Variants in SAMD13 observed in about 807,000 individuals in gnomAD.
SAMD13 encodes sterile alpha motif domain-containing protein 13.
A neutral mutation model predicts 12.4 loss-of-function variants in SAMD13; 9 were observed. That is an observed-to-expected ratio of 0.72 (90% CI 0.44 to 1.26). SAMD13 has a LOEUF of 1.26. Among genes scored for constraint, SAMD13 ranks in the 50% most tolerant of loss-of-function variants. The pLI is 0.00. For missense variants in SAMD13, 84 were observed against 119.6 expected (o/e 0.70, Z 1.39); for synonymous variants, 46 against 45.4 (o/e 1.01, Z -0.05).
chr1:84,299,997 G>T (rs1678416955), upstream of SAMD13, among the ~76,000 whole-genome samples: 1 of 152,090 alleles, frequency 6.6e-6, no homozygotes, highest in African/African-American at 2.4e-5. Flanking sequence ...CCTTTTCCCC[G>T]TCAAGAGTGG....
At chr1:84,300,251 A>C (rs188694901), upstream of SAMD13, among the ~76,000 whole-genome samples, 6 of 152,372 alleles carry the variant, frequency 3.9e-5, no homozygotes, top group Admixed American at 3.3e-4. Context: ...TGCTCAAAAA[A>C]TACTGCTCAA....
intron 2 of SAMD13, among the ~76,000 whole-genome samples, chr1:84,323,596 C>T (rs1678995136): frequency 6.6e-6 from 1 of 152,102 alleles, no homozygotes; most frequent in South Asian, 2.1e-4. Context: ...TTAACTAGTA[C>T]AGAAGTTGGT....
chr1:84,309,463 T>G (rs144591756), intron 2 of SAMD13, among the ~76,000 whole-genome samples: 1 of 152,206 alleles, frequency 6.6e-6, no homozygotes, highest in Non-Finnish European at 1.5e-5. Flanking sequence ...AATGTCATGC[T>G]GGACTCCTCT....
intron 2 of SAMD13, among the ~76,000 whole-genome samples, chr1:84,313,410 A>G (rs1444019139): frequency 1.3e-5 from 2 of 152,112 alleles, no homozygotes; most frequent in Non-Finnish European, 2.9e-5. Context: ...TTTTGACTAA[A>G]TTTTTTTAAA....
At chr1:84,312,605 C>G (rs1678739470) in intron 2 of SAMD13, among the ~76,000 whole-genome samples, 1 of 151,974 alleles carries the variant, frequency 6.6e-6, no homozygotes, top group Non-Finnish European at 1.5e-5. Flanking sequence ...ATCTCTGACA[C>G]AAATCAAACG....
chr1:84,337,777 T>C (rs553478049), intron 3 of SAMD13, among the ~76,000 whole-genome samples: 128 of 152,328 alleles, frequency 8.4e-4, no homozygotes, highest in African/African-American at 3.1e-3. Flanking sequence ...AGGGTGCAAA[T>C]TTTCTGAACT....
chr1:84,315,993 A>G (rs1253538093), intron 2 of SAMD13, among the ~76,000 whole-genome samples: 3 of 152,100 alleles, frequency 2.0e-5, no homozygotes, highest in African/African-American at 7.2e-5. Context: ...TCATATATAT[A>G]CATATTGGCT....
intron 2 of SAMD13, among the ~76,000 whole-genome samples, chr1:84,312,148 GTT>G (rs34272806): frequency 6.6e-6 from 1 of 151,898 alleles, no homozygotes; most frequent in East Asian, 1.9e-4. Context: ...TTGAAAAATT[GTT>G]TTTTTTGTCT....
chr1:84,301,924 A>C (rs1645926293), intron 1 of SAMD13, 123 bp downstream of exon 1: 1 of 247,614 alleles, frequency 4.0e-6, no homozygotes, highest in African/African-American at 2.3e-5. Flanking sequence ...ATGCTTAGAA[A>C]ATGGTGAATG....
intron 3 of SAMD13, among the ~76,000 whole-genome samples, chr1:84,347,676 G>A (rs191180080): frequency 6.1e-4 from 93 of 152,252 alleles, no homozygotes; most frequent in Admixed American, 5.9e-3. Context: ...AAAACATTCC[G>A]AGCCTGTGTG....
At chr1:84,314,799 G>T (rs1299646787) in intron 2 of SAMD13, among the ~76,000 whole-genome samples, 1 of 152,130 alleles carries the variant, frequency 6.6e-6, no homozygotes, top group Non-Finnish European at 1.5e-5. Flanking sequence ...TTAACAGTCT[G>T]TCAGAAAATG....
At chr1:84,344,078 CT>C (rs113728574) in intron 3 of SAMD13, among the ~76,000 whole-genome samples, 21,706 of 140,746 alleles carry the variant, frequency 0.15, 1,856 homozygotes, top group African/African-American at 0.25. Flanking sequence ...GTTTTTTTGG[CT>C]TTTTTTTTTT....
chr1:84,342,972 A>G (rs1357295365), intron 3 of SAMD13, among the ~76,000 whole-genome samples: 1 of 152,216 alleles, frequency 6.6e-6, no homozygotes. Context: ...CAAAGGTCTA[A>G]TATCCAGAAT....
At chr1:84,318,235 T>C (rs1488369639) in intron 2 of SAMD13, among the ~76,000 whole-genome samples, 1 of 152,058 alleles carries the variant, frequency 6.6e-6, no homozygotes, top group Non-Finnish European at 1.5e-5. Flanking sequence ...TTTTTTAATG[T>C]AGGTATTTGT....
At chr1:84,305,149 G>T (rs1325842406) in intron 2 of SAMD13, among the ~76,000 whole-genome samples, 1 of 152,076 alleles carries the variant, frequency 6.6e-6, no homozygotes, top group Non-Finnish European at 1.5e-5. Flanking sequence ...GCAGTGTGTG[G>T]CATGTTCCAG....
Position 84,349,843 on chromosome 1 carries a change from CTT to C in SAMD13, c.*71_*72del, listed in dbSNP as rs2101825328. The stretch of plus-strand genomic sequence containing the variant: ...CATAATTTAGTTTCATGTAATGAAA[CTT>C]TGTAAACAGAATACATACATGTGTA... On this transcript the variant is annotated 3_prime_UTR_variant, in exon 4 of 4. Transcript: ENST00000394834. The C allele has an allele frequency of 2.6e-6, 4 of 1,554,606 alleles. No homozygotes were observed. The East Asian group carries it at 9.0e-5, about 35-fold the overall frequency.
At chr1:84,336,714 T>C (rs1679302216) in intron 3 of SAMD13, among the ~76,000 whole-genome samples, 1 of 152,122 alleles carries the variant, frequency 6.6e-6, no homozygotes, top group Admixed American at 6.5e-5. Flanking sequence ...TCAAAACCAT[T>C]CATGCCTTCC....
chr1:84,345,326 G>C (rs1679513691), intron 3 of SAMD13: 1 of 420,890 alleles, frequency 2.4e-6, no homozygotes, highest in East Asian at 7.0e-5. Context: ...ATGAGGCTGG[G>C]GTGTTCTGAT....
chr1:84,303,558 C>A, intron 2 of SAMD13: 1 of 280,068 alleles, frequency 3.6e-6, no homozygotes, highest in East Asian at 7.1e-5. Flanking sequence ...TTCAGCCCTG[C>A]ATTCTGTATA....
Sources: gnomAD v4.1 joint callset for allele counts (sites outside exome capture counted in the v4.1 genomes callset) on GRCh38, gnomAD v4.1.1 for gene constraint, MANE v1.5 for transcripts, NCBI Gene and HGNC (gene_info 2026-07-23, HGNC 2026-07-21) for gene names.